The following PRDM5 variants were observed in gnomAD, a reference collection of about 807,000 sequenced individuals.
The protein encoded by PRDM5 is PR domain zinc finger protein 5.
PRDM5 carries 56 observed loss-of-function variants against 81.2 expected under a neutral mutation model. The observed-to-expected ratio is 0.69, with a 90% CI of 0.56 to 0.86. The LOEUF is 0.86. Ranked by LOEUF, PRDM5 falls within the 40% of genes least tolerant of loss-of-function variation. The pLI is 0.00. For missense variants in PRDM5, 697 were observed against 770.1 expected, an observed-to-expected ratio of 0.91 and a Z score of 1.12; for synonymous variants, 267 against 256.4, an observed-to-expected ratio of 1.04 and a Z score of -0.39.
At chr4:120,828,021 T>C (rs1256775852) in intron 3 of PRDM5, among the ~76,000 whole-genome samples, 2 of 152,108 alleles carry the variant, frequency 1.3e-5, no homozygotes, top group Non-Finnish European at 2.9e-5. Flanking sequence ...TTGCAGTTTC[T>C]AGTTTTTCAT....
At chr4:120,814,886 TA>T (rs965227204) in intron 7 of PRDM5, among the ~76,000 whole-genome samples, 2 of 152,164 alleles carry the variant, frequency 1.3e-5, no homozygotes, top group African/African-American at 4.8e-5. Context: ...GTCCACAAAT[TA>T]AAAAATATAT....
chr4:120,791,706 A>G (rs1382701587), intron 10 of PRDM5, among the ~76,000 whole-genome samples: 2 of 151,914 alleles, frequency 1.3e-5, no homozygotes, highest in African/African-American at 4.8e-5. Context: ...ACCAACTCTC[A>G]CTGCTATGGA....
At chr4:120,861,634 C>A (rs1760590482) in intron 2 of PRDM5, among the ~76,000 whole-genome samples, 2 of 151,796 alleles carry the variant, frequency 1.3e-5, no homozygotes, top group Admixed American at 1.3e-4. Context: ...CCTGTCTCTA[C>A]TAAAAATACA....
rs545791313 is a variant in PRDM5 at position 120,910,003 on chromosome 4, C to CA, written c.94-2447dup. On this transcript the variant is annotated intron_variant, in intron 1 of 15. Transcript: ENST00000264808. ...TCAGGAATATCCTTCAAAGAAAAGACAAAAAAAACCCTGTGATACTGTATA... is the reference window on the plus strand; with the variant it reads ...TCAGGAATATCCTTCAAAGAAAAGACAAAAAAAAACCCTGTGATACTGTATA... Among the ~76,000 whole-genome samples, 775 of 150,708 alleles carry CA rather than the reference C, an allele frequency of 5.1e-3. 5 individuals are homozygous for CA. Among genetic ancestry groups the CA allele is most frequent in the African/African-American group, 0.018 (732 of 41,100 alleles).
chr4:120,892,194 T>G (rs1025879201), intron 2 of PRDM5, among the ~76,000 whole-genome samples: 37 of 150,426 alleles, frequency 2.5e-4, no homozygotes, highest in East Asian at 3.9e-4. Context: ...GATTTTAGGG[T>G]TTTTTTTTCT....
At chr4:120,765,135 A>C (rs562009591) in intron 13 of PRDM5, among the ~76,000 whole-genome samples, 16 of 152,336 alleles carry the variant, frequency 1.1e-4, no homozygotes, top group Middle Eastern at 3.4e-3. Context: ...AAAGAAAAAC[A>C]GTGGCTAAAA....
chr4:120,917,686 A>T (rs1441805084), intron 1 of PRDM5, among the ~76,000 whole-genome samples: 1 of 152,058 alleles, frequency 6.6e-6, no homozygotes, highest in East Asian at 1.9e-4. Flanking sequence ...CATTAAAAAA[A>T]AAAAAAAAAC....
intron 2 of PRDM5, among the ~76,000 whole-genome samples, chr4:120,891,265 TTA>T (rs1170710915): frequency 3.3e-5 from 5 of 152,192 alleles, no homozygotes; most frequent in Non-Finnish European, 7.4e-5. Context: ...TCTTGGAAGA[TTA>T]TATGTCTCCA....
chr4:120,765,595 G>A lies in PRDM5; in HGVS notation c.1538-10957C>T, dbSNP rs542473275. Among the ~76,000 whole-genome samples, 12 of 152,128 alleles carry A rather than the reference G, an allele frequency of 7.9e-5. No homozygotes were observed. In the South Asian group the frequency reaches 1.0e-3, roughly 13 times the overall value. ...CGGATGATAAATTACAGAGCTGCCC[G>A]CCAGGCACAATCCTGAACATTCCCC... On this transcript the variant is annotated intron_variant, in intron 13 of 15. Transcript: ENST00000264808.
At chr4:120,911,147 G>T (rs972552052) in intron 1 of PRDM5, among the ~76,000 whole-genome samples, 14 of 152,184 alleles carry the variant, frequency 9.2e-5, no homozygotes, top group African/African-American at 3.4e-4. Flanking sequence ...GAGTAGCCAG[G>T]AGGTAAGGTG....
At chr4:120,685,331 C>T (rs1234010337) in intron 1 of PRDM5, among the ~76,000 whole-genome samples, 2 of 151,880 alleles carry the variant, frequency 1.3e-5, no homozygotes, top group African/African-American at 2.4e-5. Context: ...ATAAAAAATA[C>T]CTGATAGTCT....
chr4:120,821,296 G>A lies in PRDM5; in HGVS notation c.350C>T (p.Thr117Met), dbSNP rs531143989. 69 of 1,613,978 alleles carry A rather than the reference G, an allele frequency of 4.3e-5. 1 individual carries two copies. In the South Asian group the frequency reaches 5.9e-4, roughly 14 times the overall value. ...ATCCAGGTAGCCAATCAGAAGCTCC[G>A]TGTCTGTTTCTATATCTTCAACTGC... ...YLAVEDIETDTELLIGYLDSD... is the reference protein window; with the variant it reads ...YLAVEDIETDMELLIGYLDSD... Residue 117 changes from threonine to methionine, a missense_variant, in exon 4 of 16, where the codon ACG becomes ATG. By Grantham distance (81) the Thr-to-Met change is moderately conservative (BLOSUM62 -1). Coordinates refer to ENST00000264808, the MANE Select transcript of PRDM5 (RefSeq NM_018699.4).
At chr4:120,836,201 G>A (rs959454838) in intron 3 of PRDM5, among the ~76,000 whole-genome samples, 7 of 151,954 alleles carry the variant, frequency 4.6e-5, no homozygotes, top group African/African-American at 1.7e-4. Context: ...AAGAGAAGGG[G>A]ATATTTCTCT....
chr4:120,917,182 C>G (rs1470284464), intron 1 of PRDM5, among the ~76,000 whole-genome samples: 1 of 152,204 alleles, frequency 6.6e-6, no homozygotes, highest in South Asian at 2.1e-4. Context: ...GCCACACTGA[C>G]CTCCTTGTGC....
intron 15 of PRDM5, among the ~76,000 whole-genome samples, chr4:120,705,367 T>C (rs993736030): frequency 6.6e-6 from 1 of 152,058 alleles, no homozygotes; most frequent in Non-Finnish European, 1.5e-5. Context: ...AGACAAATAA[T>C]ATAGAATGAG....
rs145130527 is a variant in PRDM5 at position 120,842,231 on chromosome 4, A to G, written c.300+11187T>C. Reference sequence around the variant, plus strand: ...TAAAACTACTTAGCAGTAGACTGAAATGTGTACACACATACAAGTACATAC... The same window carrying G: ...TAAAACTACTTAGCAGTAGACTGAAGTGTGTACACACATACAAGTACATAC... On this transcript the variant is annotated intron_variant, in intron 3 of 15. Transcript: ENST00000264808. Among the ~76,000 whole-genome samples, 360 of 152,336 alleles carry G rather than the reference A, an allele frequency of 2.4e-3. 1 individual carries two copies. The highest frequency in any genetic ancestry group is 8.4e-3 in the African/African-American group (348 of 41,570).
chr4:120,731,761 G>A (rs904149368), intron 14 of PRDM5: 1 of 152,120 alleles, frequency 6.6e-6, no homozygotes, highest in African/African-American at 2.4e-5. Flanking sequence ...TGGCCAGAGT[G>A]GCAAAATCCA....
rs528852639 is a variant in PRDM5, at chr4:120,809,827, G to A, written c.945+1543C>T. Among the ~76,000 whole-genome samples, 3 of 152,292 alleles carry A rather than the reference G, an allele frequency of 2.0e-5. No individual in the cohort carries two copies. In the East Asian group the frequency reaches 5.8e-4, roughly 29 times the overall value. ...AGTGAAGGACTATGGCTGAAATGGA[G>A]GAAGGGCTGCATTGAGCTAGCAACT... On this transcript the variant is annotated intron_variant, in intron 8 of 15. Coordinates refer to ENST00000264808, the MANE Select transcript of PRDM5 (RefSeq NM_018699.4).
chr4:120,745,515 T>C (rs976676659), intron 14 of PRDM5, among the ~76,000 whole-genome samples: 6 of 151,040 alleles, frequency 4.0e-5, no homozygotes, highest in Admixed American at 1.3e-4. Flanking sequence ...GATGAGATGA[T>C]TGTATATCTA....
Sources: gnomAD v4.1 joint callset for allele counts (sites outside exome capture counted in the v4.1 genomes callset) on GRCh38, gnomAD v4.1.1 for gene constraint, MANE v1.5 for transcripts, NCBI Gene and HGNC (gene_info 2026-07-23, HGNC 2026-07-21) for gene names.